PINX1: variants seen among roughly 807,000 people sequenced by gnomAD.
The protein encoded by PINX1 is PIN2 (TERF1) interacting telomerase inhibitor 1.
In PINX1, 34 loss-of-function variants were observed where a neutral mutation model predicts 25.4. That is an observed-to-expected ratio of 1.34 (90% CI 1.02 to 1.78). PINX1 has a LOEUF of 1.78. PINX1 is among the 40% of genes most tolerant of loss of function. The probability of loss-of-function intolerance (pLI) is 0.00; values close to 1 mark genes in which losing one functional copy is unlikely to be tolerated. For synonymous variants in PINX1, 197 were observed against 147.7 expected (o/e 1.33, Z -2.42); for missense variants, 592 against 404.9 (o/e 1.46, Z -3.97).
At chr8:10,791,038 G>A (rs1017001718) in intron 6 of PINX1, among the ~76,000 whole-genome samples, 3 of 151,926 alleles carry the variant, frequency 2.0e-5, no homozygotes, top group East Asian at 3.9e-4. Context: ...TCAGCCTCCC[G>A]AGTAACTGGG....
chr8:10,827,736 C>G (rs1798101076), intron 4 of PINX1, among the ~76,000 whole-genome samples: 1 of 150,724 alleles, frequency 6.6e-6, no homozygotes, highest in African/African-American at 2.4e-5. Context: ...GAAACCCCGT[C>G]TCTACTAAAA....
intron 6 of PINX1, among the ~76,000 whole-genome samples, chr8:10,796,700 T>C (rs1802095285): frequency 6.6e-6 from 1 of 151,818 alleles, no homozygotes; most frequent in Admixed American, 6.6e-5. Flanking sequence ...TTAGTAACCT[T>C]GTGTAGCTTT....
At chr8:10,771,183 G>A (rs907854203) in intron 6 of PINX1, 4 of 152,210 alleles carry the variant, frequency 2.6e-5, no homozygotes, top group African/African-American at 7.2e-5. Flanking sequence ...ATGTCTTCAT[G>A]TATCCCTTCA....
intron 1 of PINX1, among the ~76,000 whole-genome samples, chr8:10,838,408 C>T (rs985293489): frequency 1.3e-5 from 2 of 152,222 alleles, no homozygotes; most frequent in Admixed American, 6.5e-5. Context: ...TTACTGATGC[C>T]TACAAATAGC....
Position 10,831,582 on chromosome 8 carries a change from G to A in PINX1, c.301+83C>T, listed in dbSNP as rs977460434. 8.6e-6 allele frequency: 7 copies of A among 810,690 alleles called. No individual in the cohort carries two copies. The Admixed American group carries it at 1.0e-4, about 12-fold the overall frequency. The allele number at this position is 810,690 out of a possible 1,614,324, so 50.2% of individuals were successfully genotyped here. ...ACTCAATAAATATGTATAATTATGT[G>A]TCAACTAAAAATAATAAAAGCAAAA... On this transcript the variant is annotated intron_variant, in intron 4 of 6. Coordinates refer to ENST00000314787, the MANE Select transcript of PINX1 (RefSeq NM_017884.6).
chr8:10,827,791 G>T (rs967216238), intron 4 of PINX1, among the ~76,000 whole-genome samples: 1 of 150,934 alleles, frequency 6.6e-6, no homozygotes, highest in Non-Finnish European at 1.5e-5. Flanking sequence ...GGCACCTGTA[G>T]TCCCAGCTAC....
rs1323950472 is a variant in PINX1 at position 10,786,702 on chromosome 8, T to C, written c.472-20786A>G. Among the ~76,000 whole-genome samples the C allele has an allele frequency of 2.0e-5, 3 of 152,184 alleles. No homozygotes were observed. The East Asian group carries it at 5.8e-4, about 29-fold the overall frequency. On this transcript the variant is annotated intron_variant, in intron 6 of 6. Coordinates refer to ENST00000314787, the MANE Select transcript of PINX1 (RefSeq NM_017884.6). ...GGAGTCAGCTGAAAACTTCAGTGTA[T>C]ACTGCAGGCCAAATCCTCTCCCTGT...
At chr8:10,837,519 T>G (rs988433775) in intron 1 of PINX1, among the ~76,000 whole-genome samples, 2 of 152,214 alleles carry the variant, frequency 1.3e-5, no homozygotes, top group African/African-American at 4.8e-5. Context: ...GGGGATGATC[T>G]TGGGGACCCT....
chr8:10,819,254 T>C (rs2129085432), intron 6 of PINX1, among the ~76,000 whole-genome samples: 1 of 152,272 alleles, frequency 6.6e-6, no homozygotes, highest in East Asian at 1.9e-4. Flanking sequence ...TCCCTAAAAA[T>C]TATTACTATT....
At chr8:10,818,628 GC>G (rs999123049) in intron 6 of PINX1, among the ~76,000 whole-genome samples, 8 of 152,184 alleles carry the variant, frequency 5.3e-5, no homozygotes, top group African/African-American at 1.9e-4. Flanking sequence ...GGATCAACGT[GC>G]AGGGATGTGG....
At chr8:10,825,469 G>T (rs373663822) in intron 5 of PINX1, 8 of 534,302 alleles carry the variant, frequency 1.5e-5, no homozygotes, top group Non-Finnish European at 2.3e-5. Flanking sequence ...TGGGGAGTTG[G>T]TTCTATTAGG....
intron 6 of PINX1, among the ~76,000 whole-genome samples, chr8:10,781,112 T>C (rs1409154858): frequency 6.6e-6 from 1 of 152,186 alleles, no homozygotes; most frequent in Non-Finnish European, 1.5e-5. Context: ...AAGGATAGTC[T>C]CTTTAATAAA....
intron 1 of PINX1, among the ~76,000 whole-genome samples, chr8:10,835,333 G>A (rs1433447038): frequency 1.3e-5 from 2 of 152,192 alleles, no homozygotes; most frequent in Non-Finnish European, 2.9e-5. Flanking sequence ...AAAATCTGAG[G>A]CTTAGAGAAA....
intron 6 of PINX1, among the ~76,000 whole-genome samples, chr8:10,816,184 G>C (rs1006842921): frequency 6.6e-6 from 1 of 152,114 alleles, no homozygotes; most frequent in African/African-American, 2.4e-5. Flanking sequence ...TGTGATAAAG[G>C]GGCACAGAGC....
chr8:10,786,805 C>T (rs1433306545), intron 6 of PINX1, among the ~76,000 whole-genome samples: 1 of 152,210 alleles, frequency 6.6e-6, no homozygotes, highest in Middle Eastern at 3.2e-3. Context: ...CAGGCCAACT[C>T]CCAGGAACCA....
intron 5 of PINX1, among the ~76,000 whole-genome samples, chr8:10,825,629 C>A (rs1387284009): frequency 6.6e-6 from 1 of 152,144 alleles, no homozygotes; most frequent in African/African-American, 2.4e-5. Context: ...GCTTTTTACC[C>A]GACTTGGCAA....
intron 6 of PINX1, among the ~76,000 whole-genome samples, chr8:10,814,263 A>T (rs1797625937): frequency 1.3e-5 from 2 of 152,326 alleles, no homozygotes; most frequent in South Asian, 2.1e-4. Context: ...CACACAGAAC[A>T]GTTTATGAGA....
chr8:10,796,080 G>A (rs1361278725), intron 6 of PINX1, among the ~76,000 whole-genome samples: 2 of 152,174 alleles, frequency 1.3e-5, no homozygotes, highest in Non-Finnish European at 2.9e-5. Flanking sequence ...TAGAGATTTG[G>A]AGAACCAGTC....
rs545558732 is a variant in PINX1 at position 10,839,851 on chromosome 8, C to G, written c.-95G>C. 18 of 1,243,678 alleles carry G rather than the reference C, an allele frequency of 1.4e-5. No individual in the cohort carries two copies. Among genetic ancestry groups the G allele is most frequent in the Non-Finnish European group, 1.8e-5 (16 of 889,068 alleles). The allele number at this position is 1,243,678 out of a possible 1,614,324, so 77.0% of individuals were successfully genotyped here. A position where few individuals can be genotyped will look rare whatever the true frequency, so the allele number is the denominator to read the frequency against. On this transcript the variant is annotated 5_prime_UTR_variant, in exon 1 of 7. Transcript: ENST00000314787. ...CAGGAGAATCAGGACGTGCGTAACT[C>G]CCTCGCCGGCGGACTGCAGCGGACG...
Sources: gnomAD v4.1 joint callset for allele counts (sites outside exome capture counted in the v4.1 genomes callset) on GRCh38, gnomAD v4.1.1 for gene constraint, MANE v1.5 for transcripts, NCBI Gene and HGNC (gene_info 2026-07-23, HGNC 2026-07-21) for gene names.